Variants in ACAT1 observed in about 807,000 individuals in gnomAD.
The protein encoded by ACAT1 is acetyl-CoA acetyltransferase 1, also known as acetyl-CoA acetyltransferase, mitochondrial.
A neutral mutation model predicts 47.3 loss-of-function variants in ACAT1; 28 were observed. The ratio of observed to expected loss-of-function variants is 0.59; its 90% CI spans 0.44 to 0.81. The LOEUF is 0.81. Ranked by LOEUF, ACAT1 falls within the 30% of genes least tolerant of loss-of-function variation. The pLI is 0.00. For synonymous variants in ACAT1, 181 were observed against 173.6 expected, an observed-to-expected ratio of 1.04 and a Z score of -0.34; for missense variants, 469 against 524.3, an observed-to-expected ratio of 0.89 and a Z score of 1.03.
intron 1 of ACAT1, 36 bp from the exon 2 acceptor site, chr11:108,131,871 T>G: frequency 1.0e-6 from 1 of 995,782 alleles, no homozygotes; most frequent in Non-Finnish European, 1.4e-6. Flanking sequence ...GTTTAATATT[T>G]TTTACATTAT....
intron 6 of ACAT1, 41 bp downstream of exon 6, chr11:108,139,082 A>T: frequency 6.2e-7 from 1 of 1,610,272 alleles, no homozygotes; most frequent in Non-Finnish European, 8.5e-7. Context: ...TCTAATGTCC[A>T]ATACTGTTTG....
At chr11:108,143,730 CCAAAAA>C (rs1302198795) in intron 9 of ACAT1, 2 of 366,912 alleles carry the variant, frequency 5.5e-6, no homozygotes, top group Non-Finnish European at 5.0e-6. Flanking sequence ...ATTCTGACAA[CCAAAAA>C]CATCTCTAGG....
chr11:108,121,230 T>G (rs2077141532), upstream of ACAT1: 1 of 323,950 alleles, frequency 3.1e-6, no homozygotes, highest in Non-Finnish European at 5.9e-6. Context: ...CTAAAATATT[T>G]TCATGAGTTT....
At chr11:108,135,545 C>T (rs572937310) in intron 5 of ACAT1, among the ~76,000 whole-genome samples, 50 of 151,884 alleles carry the variant, frequency 3.3e-4, no homozygotes, top group African/African-American at 1.1e-3. Context: ...AAAAAAAAGC[C>T]TAAGTGTCTT....
chr11:108,139,319 G>T (rs532458918), intron 6 of ACAT1, among the ~76,000 whole-genome samples: 355 of 152,180 alleles, frequency 2.3e-3, no homozygotes, highest in Non-Finnish European at 4.2e-3. Context: ...GGCTGGGTGC[G>T]GTGGCTCTGG....
At chr11:108,132,647 G>A (rs1286605693) in intron 2 of ACAT1, among the ~76,000 whole-genome samples, 2 of 151,838 alleles carry the variant, frequency 1.3e-5, no homozygotes, top group Non-Finnish European at 2.9e-5. Context: ...GAGGTCAGGA[G>A]ATCGAGACCA....
chr11:108,139,818 G>A (rs887732154), intron 6 of ACAT1, among the ~76,000 whole-genome samples: 2 of 105,754 alleles, frequency 1.9e-5, no homozygotes, highest in African/African-American at 3.8e-5. Flanking sequence ...GTGCCCCCAT[G>A]CCCGGCTAAT....
intron 1 of ACAT1, chr11:108,122,049 C>A (rs1351832783): frequency 5.9e-6 from 2 of 340,420 alleles, no homozygotes; most frequent in Non-Finnish European, 5.4e-6. Context: ...CCGAGATTTT[C>A]TTTAAAACAT....
chr11:108,132,351 GTC>G (rs1283653872), intron 2 of ACAT1, among the ~76,000 whole-genome samples: 1 of 152,178 alleles, frequency 6.6e-6, no homozygotes, highest in Non-Finnish European at 1.5e-5. Context: ...CTTCTGAAGA[GTC>G]TCTGTTTTGT....
chr11:108,138,569 GT>G lies in ACAT1; in HGVS notation c.436-328del, dbSNP rs534006251. On this transcript the variant is annotated intron_variant, in intron 5 of 11. Transcript: ENST00000265838. The stretch of plus-strand genomic sequence containing the variant: ...CCACCACCACACCCAGCTAATTTTT[GT>G]ATTTTTAGTAGAGACGGGGTTTCAC... Among the ~76,000 whole-genome samples, 118 of 152,044 alleles carry G rather than the reference GT, an allele frequency of 7.8e-4. 1 individual carries two copies. Among genetic ancestry groups the G allele is most frequent in the Admixed American group, 4.8e-3 (73 of 15,252 alleles).
Position 108,147,414 on chromosome 11 carries a change from C to T in ACAT1, c.*24C>T. ...AGACAACCTCTGCTATTTAAGGAGA[C>T]AACCCTATGTGACCAGAAGGCCTGC... is the stretch of plus-strand genomic sequence containing the variant. On this transcript the variant is annotated 3_prime_UTR_variant, in exon 12 of 12. Transcript: ENST00000265838. 1.2e-6 allele frequency: 2 copies of T among 1,612,260 alleles called. No homozygotes were observed. Among genetic ancestry groups the T allele is most frequent in the Non-Finnish European group, 8.5e-7 (1 of 1,179,226 alleles).
chr11:108,131,858 A>G (rs1264135247), intron 1 of ACAT1, 49 bp from the exon 2 acceptor site: 3 of 845,396 alleles, frequency 3.5e-6, no homozygotes, highest in Non-Finnish European at 5.2e-6. Flanking sequence ...ATAAAATGAT[A>G]TAGTTTAATA....
At chr11:108,123,512 T>C (rs1222034625) in intron 1 of ACAT1, among the ~76,000 whole-genome samples, 2 of 152,186 alleles carry the variant, frequency 1.3e-5, no homozygotes, top group Admixed American at 1.3e-4. Context: ...ATGGACTTTA[T>C]TGGAGCACAT....
intron 7 of ACAT1, 151 bp downstream of exon 7, chr11:108,140,366 T>C: frequency 1.1e-6 from 1 of 874,246 alleles, no homozygotes; most frequent in East Asian, 2.6e-5. Context: ...AGAATATAAA[T>C]CTACCCAACT....
chr11:108,121,949 T>A (rs1281549585), intron 1 of ACAT1: 2 of 539,382 alleles, frequency 3.7e-6, no homozygotes, highest in Non-Finnish European at 6.7e-6. Flanking sequence ...AGGGCACGTG[T>A]CTGGGCGGGC....
chr11:108,126,906 C>T lies in ACAT1; in HGVS notation c.73-5001C>T, dbSNP rs529593589. On this transcript the variant is annotated intron_variant, in intron 1 of 11. Transcript: ENST00000265838. ...CTCCCGGGTTTAAGCAGTTCTCTTG[C>T]CTTAGCCTCTGGAGTAGCTGGGATT... is the stretch of plus-strand genomic sequence containing the variant. Among the ~76,000 whole-genome samples, 270 of 149,340 alleles carry T rather than the reference C, an allele frequency of 1.8e-3. 1 individual carries two copies. The highest frequency in any genetic ancestry group is 3.3e-3 in the Non-Finnish European group (224 of 67,736).
chr11:108,134,145 C>T (rs2077415267), intron 3 of ACAT1, 76 bp from the exon 4 acceptor site: 1 of 1,363,990 alleles, frequency 7.3e-7, no homozygotes, highest in Non-Finnish European at 1.0e-6. Flanking sequence ...TGTGTAATGT[C>T]ACCTACCTTA....
Position 108,147,337 on chromosome 11 carries a change from A to C in ACAT1, c.1231A>C (p.Ser411Arg). 6.2e-7 allele frequency: 1 copy of C among 1,614,010 alleles called. No individual in the cohort carries two copies. The highest frequency in any genetic ancestry group is 8.5e-7 in the Non-Finnish European group (1 of 1,179,932). The change falls in exon 12 of 12, where the codon AGT (serine) becomes CGT (arginine). Residue 411 changes from serine to arginine, a missense_variant. Ser to Arg is a moderately radical substitution (Grantham distance 110). Transcript: ENST00000265838. ...GAAGCAAGGAGAATACGGTCTTGCCAGTATTTGCAATGGAGGAGGAGGTGC... is the reference window on the plus strand; with the variant it reads ...GAAGCAAGGAGAATACGGTCTTGCCCGTATTTGCAATGGAGGAGGAGGTGC... ...ALKQGEYGLASICNGGGGASA... is the reference protein window; with the variant it reads ...ALKQGEYGLARICNGGGGASA...
chr11:108,120,942 T>A (rs1318537112), upstream of ACAT1, among the ~76,000 whole-genome samples: 1 of 152,006 alleles, frequency 6.6e-6, no homozygotes, highest in African/African-American at 2.4e-5. Context: ...CGCCTGCGCC[T>A]GTAATCCCAG....
Sources: gnomAD v4.1 joint callset for allele counts (sites outside exome capture counted in the v4.1 genomes callset) on GRCh38, gnomAD v4.1.1 for gene constraint, MANE v1.5 for transcripts, NCBI Gene and HGNC (gene_info 2026-07-23, HGNC 2026-07-21) for gene names.